Variants in MICAL3 observed in about 807,000 individuals in gnomAD.
The protein encoded by MICAL3 is [F-actin]-monooxygenase MICAL3.
A neutral mutation model predicts 207.4 loss-of-function variants in MICAL3; 62 were observed. That is an observed-to-expected ratio of 0.30 (90% CI 0.24 to 0.37). MICAL3 has a LOEUF of 0.37. Ranked by LOEUF, MICAL3 falls within the 10% of genes least tolerant of loss-of-function variation. The pLI, the probability that MICAL3 is intolerant of heterozygous loss-of-function variation, is 1.00. For missense variants in MICAL3, 2,368 were observed against 2,635.6 expected (o/e 0.90, Z 2.22); for synonymous variants, 1,077 against 1,069.3 (o/e 1.01, Z -0.14).
intron 1 of MICAL3, among the ~76,000 whole-genome samples, chr22:17,980,289 C>T (rs535524979): frequency 2.6e-5 from 4 of 152,310 alleles, no homozygotes; most frequent in South Asian, 4.1e-4. Flanking sequence ...GAAATAAAGA[C>T]GGAAAGGGCC....
At chr22:17,995,701 G>C (rs1263405210) in intron 1 of MICAL3, among the ~76,000 whole-genome samples, 2 of 151,676 alleles carry the variant, frequency 1.3e-5, no homozygotes, top group African/African-American at 2.4e-5. Flanking sequence ...TAGAGACAGA[G>C]TTTCACCATG....
intron 19 of MICAL3, among the ~76,000 whole-genome samples, chr22:17,856,074 A>G (rs970969750): frequency 1.3e-5 from 2 of 152,196 alleles, no homozygotes; most frequent in Non-Finnish European, 2.9e-5. Context: ...AGCTACACAA[A>G]GCATCTGCTC....
In MICAL3 at chr22:17,876,620, A is replaced by T. The variant is rs1173897654; in HGVS notation, c.2242-4597T>A. ...TCAGTAGCCCCCTGGGGGGCAGAGC[A>T]GTCAGAGCCAAGGGGAGGAGTGGGG... On this transcript the variant is annotated intron_variant, in intron 16 of 31. Coordinates refer to ENST00000441493, the MANE Select transcript of MICAL3 (RefSeq NM_015241.3). 3 of 152,646 alleles carry T rather than the reference A, an allele frequency of 2.0e-5. No individual in the cohort carries two copies. The East Asian group carries it at 5.8e-4, about 29-fold the overall frequency. 9.5% of individuals were successfully genotyped at this position (152,646 alleles called of 1,614,324 possible).
At chr22:17,888,611 G>A (rs1602152980) in intron 13 of MICAL3, among the ~76,000 whole-genome samples, 1 of 152,174 alleles carries the variant, frequency 6.6e-6, no homozygotes, top group Admixed American at 6.5e-5. Context: ...AGTAGGAGGT[G>A]GGAATCCTCC....
At chr22:17,864,652 C>T in intron 19 of MICAL3, 1 of 1,598,002 alleles carries the variant, frequency 6.3e-7, no homozygotes, top group Non-Finnish European at 8.5e-7. Context: ...CGGACGGCCC[C>T]ATCACTGGGC....
At chr22:17,897,402 G>A (rs1227129045) in intron 7 of MICAL3, among the ~76,000 whole-genome samples, 2 of 117,088 alleles carry the variant, frequency 1.7e-5, no homozygotes, top group East Asian at 5.3e-4. Context: ...CAGCCTAGGT[G>A]ACAGAGTGAG....
intron 1 of MICAL3, among the ~76,000 whole-genome samples, chr22:18,009,041 G>A (rs1923573523): frequency 6.6e-6 from 1 of 152,104 alleles, no homozygotes; most frequent in Non-Finnish European, 1.5e-5. Flanking sequence ...ATTGGCATGT[G>A]TATGTTCAGC....
intron 1 of MICAL3, among the ~76,000 whole-genome samples, chr22:17,915,733 C>G (rs1932455123): frequency 6.6e-6 from 1 of 152,106 alleles, no homozygotes; most frequent in East Asian, 1.9e-4. Context: ...GATGACATGT[C>G]AACGGCACCA....
At chr22:17,847,196 C>T (rs1412212601) in intron 19 of MICAL3, among the ~76,000 whole-genome samples, 2 of 152,214 alleles carry the variant, frequency 1.3e-5, no homozygotes, top group Non-Finnish European at 1.5e-5. Context: ...GAAGACACTT[C>T]AGGGCTCCGC....
rs1350177573 is a variant in MICAL3, at chr22:17,796,415, G to A, written c.5651-5114C>T. Among the ~76,000 whole-genome samples, 4 of 152,246 alleles carry A rather than the reference G, an allele frequency of 2.6e-5. No individual in the cohort carries two copies. The highest frequency in any genetic ancestry group is 9.6e-5 in the African/African-American group (4 of 41,468). Reference sequence around the variant, plus strand: ...ACGGATGGCACTCTCCGGCTTCAGGGCGCCCTCGCATGCACCACCCACGTG... The same window carrying A: ...ACGGATGGCACTCTCCGGCTTCAGGACGCCCTCGCATGCACCACCCACGTG... On this transcript the variant is annotated intron_variant, in intron 29 of 31. Coordinates refer to ENST00000441493, the MANE Select transcript of MICAL3 (RefSeq NM_015241.3). This position sits in a 1 kb window ranked among gnomAD's most constrained non-coding sequence, Gnocchi z 4.4.
intron 1 of MICAL3, among the ~76,000 whole-genome samples, chr22:17,996,885 T>G (rs530843068): frequency 5.3e-4 from 81 of 152,194 alleles, no homozygotes; most frequent in Middle Eastern, 3.4e-3. Context: ...CGCACAGACT[T>G]TAGCCCAAGT....
chr22:18,005,769 C>T (rs1388231445), intron 1 of MICAL3: 2 of 152,190 alleles, frequency 1.3e-5, no homozygotes, highest in Non-Finnish European at 2.9e-5. Context: ...GAAGGGACTT[C>T]TGTGTGCAAT....
intron 1 of MICAL3, among the ~76,000 whole-genome samples, chr22:17,941,909 C>T (rs1468615467): frequency 1.3e-5 from 2 of 152,192 alleles, no homozygotes; most frequent in Non-Finnish European, 2.9e-5. Context: ...AGAAGGAAGG[C>T]CTGGGGCTGC....
chr22:17,984,722 T>C (rs1257717549), intron 1 of MICAL3, among the ~76,000 whole-genome samples: 1 of 152,234 alleles, frequency 6.6e-6, no homozygotes, highest in Non-Finnish European at 1.5e-5. Context: ...TAAACGCTTA[T>C]AGCACTGACT....
At chr22:17,892,110 G>A (rs1233295202) in intron 11 of MICAL3, among the ~76,000 whole-genome samples, 6 of 152,152 alleles carry the variant, frequency 3.9e-5, no homozygotes, top group Admixed American at 1.3e-4. Context: ...CCCAGGCCTC[G>A]CCCTTGCACT....
rs906877959 is a variant in MICAL3 at position 17,819,193 on chromosome 22, G to A, written c.3532-64C>T. 1.2e-5 allele frequency: 17 copies of A among 1,408,352 alleles called. No individual in the cohort carries two copies. In the Admixed American group the frequency reaches 4.1e-4, roughly 34 times the overall value. The allele number at this position is 1,408,352 out of a possible 1,614,324, so 87.2% of individuals were successfully genotyped here. A position where few individuals can be genotyped will look rare whatever the true frequency, so the allele number is the denominator to read the frequency against. On this transcript the variant is annotated intron_variant, in intron 25 of 31. Coordinates refer to ENST00000441493, the MANE Select transcript of MICAL3 (RefSeq NM_015241.3). ...GGCTTTCACGACCAGCAGCATCCTC[G>A]GGGAGCCTTCTCACTCAAAGTGCCT...
At chr22:17,797,924 C>G (rs2061894377) in intron 29 of MICAL3, among the ~76,000 whole-genome samples, 1 of 152,240 alleles carries the variant, frequency 6.6e-6, no homozygotes, top group Non-Finnish European at 1.5e-5. Context: ...TGGTATCCAC[C>G]TCTGCCCACT....
intron 20 of MICAL3, chr22:17,839,461 TG>T (rs1236171363): frequency 6.6e-6 from 1 of 151,858 alleles, no homozygotes; most frequent in Non-Finnish European, 1.5e-5. Context: ...TTCACCATGT[TG>T]GCCAGGCTGG....
At chr22:17,864,873 C>G (rs1252561837) in intron 19 of MICAL3, 26 bp downstream of exon 19, 2 of 1,613,770 alleles carry the variant, frequency 1.2e-6, no homozygotes, top group African/African-American at 2.7e-5. Context: ...GACGCGCCAC[C>G]CAGCCAAACA....
Sources: allele counts gnomAD v4.1 joint callset (sites outside exome capture counted in the v4.1 genomes callset), GRCh38; gene constraint gnomAD v4.1.1; non-coding constraint Gnocchi (gnomAD v3.1); transcripts MANE v1.5; gene names NCBI Gene and HGNC (gene_info 2026-07-23, HGNC 2026-07-21).